Variants in HMGCS1 observed in about 807,000 individuals in gnomAD.
HMGCS1 encodes the protein hydroxymethylglutaryl-CoA synthase, cytoplasmic.
HMGCS1 carries 9 observed loss-of-function variants against 52.3 expected under a neutral mutation model. The observed-to-expected ratio is 0.17, with a 90% confidence interval of 0.10 to 0.30. HMGCS1 has a LOEUF of 0.30. HMGCS1 is among the 10% of genes least tolerant of loss of function. The pLI, the probability that HMGCS1 is intolerant of heterozygous loss-of-function variation, is 1.00. For synonymous variants in HMGCS1, 176 were observed against 214.4 expected (o/e 0.82, Z 1.57); for missense variants, 320 against 620.9 (o/e 0.52, Z 5.15).
rs113939532 is a variant in HMGCS1 at position 43,291,407 on chromosome 5, T to G, written c.1474-187A>C. ...ATCCATTTTTCACCTTATGGTGAAT[T>G]TAGTATACAATTATCCATATGGGGG... On this transcript the variant is annotated intron_variant, in intron 10 of 10. Coordinates refer to ENST00000325110, the MANE Select transcript of HMGCS1 (RefSeq NM_001098272.3). Among the ~76,000 whole-genome samples the G allele has an allele frequency of 2.0e-5, 3 of 152,262 alleles. 1 individual carries two copies. The highest frequency in any genetic ancestry group is 7.2e-5 in the African/African-American group (3 of 41,550).
At position 43,291,085 on chromosome 5, in the gene HMGCS1, A is replaced by AGGCCCCCCCCCC; in HGVS notation, c.*45_*46insGGGGGGGGGGCC. On this transcript the variant is annotated 3_prime_UTR_variant, in exon 11 of 11. Transcript: ENST00000325110. ...TTCCTCCAACTGTTCCCATACCCCC[A>AGGCCCCCCCCCC]CCCCATGCCCACCCCACCCTGAAGT... The AGGCCCCCCCCCC allele has an allele frequency of 1.9e-6, 1 of 514,252 alleles. No individual in the cohort carries two copies. The allele number at this position is 514,252 out of a possible 1,614,324, so 31.9% of individuals were successfully genotyped here.
Position 43,291,095 on chromosome 5 carries a change from C to CAA in HMGCS1, c.*35_*36insTT. On this transcript the variant is annotated 3_prime_UTR_variant, in exon 11 of 11. Transcript: ENST00000325110. Reference sequence around the variant, plus strand: ...TGTTCCCATACCCCCACCCCATGCCCACCCCACCCTGAAGTCTTGCACCTC... The same window carrying CAA: ...TGTTCCCATACCCCCACCCCATGCCCAAACCCCACCCTGAAGTCTTGCACCTC... The CAA allele has an allele frequency of 7.5e-6, 7 of 927,380 alleles. No individual in the cohort carries two copies. The highest frequency in any genetic ancestry group is 8.9e-6 in the Non-Finnish European group (5 of 559,286). The allele number at this position is 927,380 out of a possible 1,614,324, so 57.4% of individuals were successfully genotyped here.
chr5:43,297,292 A>G, intron 4 of HMGCS1, 126 bp from the exon 5 acceptor site: 4 of 738,828 alleles, frequency 5.4e-6, no homozygotes, highest in Non-Finnish European at 8.9e-6. Context: ...CTTACAGTAG[A>G]GAAATCGCAA....
intron 2 of HMGCS1, among the ~76,000 whole-genome samples, chr5:43,300,319 G>GCTAC (rs1279492231): frequency 1.3e-5 from 2 of 152,168 alleles, no homozygotes; most frequent in Admixed American, 1.3e-4. Context: ...ATTGGATGGT[G>GCTAC]CTACTTAGGT....
At chr5:43,308,506 A>T (rs1429865898) in intron 1 of HMGCS1, among the ~76,000 whole-genome samples, 1 of 152,248 alleles carries the variant, frequency 6.6e-6, no homozygotes, top group Non-Finnish European at 1.5e-5. Flanking sequence ...TCACCCTCCC[A>T]ACCTTTTATA....
intron 4 of HMGCS1, 39 bp downstream of exon 4, chr5:43,297,970 T>G: frequency 6.3e-7 from 1 of 1,598,932 alleles, no homozygotes; most frequent in Non-Finnish European, 8.5e-7. Flanking sequence ...CTCAGCATAT[T>G]GTGCTAAAAA....
At chr5:43,293,711 A>C in intron 8 of HMGCS1, 1 of 176,554 alleles carries the variant, frequency 5.7e-6, no homozygotes, top group Non-Finnish European at 1.2e-5. Flanking sequence ...GTAGTTCTCA[A>C]TACATTTTTT....
chr5:43,308,552 T>C (rs1754692259), intron 1 of HMGCS1, among the ~76,000 whole-genome samples: 1 of 152,196 alleles, frequency 6.6e-6, no homozygotes, highest in Non-Finnish European at 1.5e-5. Context: ...TGTTAAAAAA[T>C]TAAGCATTTA....
intron 1 of HMGCS1, among the ~76,000 whole-genome samples, chr5:43,311,419 AT>A (rs1366888593): frequency 1.3e-5 from 2 of 152,174 alleles, no homozygotes; most frequent in African/African-American, 4.8e-5. Context: ...AAACATAAAA[AT>A]ATCACACATC....
rs1229083930 is a variant in HMGCS1, at chr5:43,290,849, A to G, written c.*282T>C. 9.4e-6 allele frequency: 3 copies of G among 318,756 alleles called. No individual in the cohort carries two copies. The highest frequency in any genetic ancestry group is 1.2e-5 in the Non-Finnish European group (2 of 171,976). 19.7% of individuals were successfully genotyped at this position (318,756 alleles called of 1,614,324 possible). A position where few individuals can be genotyped will look rare whatever the true frequency, so the allele number is the denominator to read the frequency against. On this transcript the variant is annotated 3_prime_UTR_variant, in exon 11 of 11. Transcript: ENST00000325110. ...ATACCATGTTTAAAAACCAAACATC[A>G]TGCATACAAATGGCCAAAGAGGTAT...
chr5:43,310,644 T>A (rs567978909), intron 1 of HMGCS1, among the ~76,000 whole-genome samples: 7 of 152,322 alleles, frequency 4.6e-5, no homozygotes, highest in African/African-American at 7.2e-5. Context: ...ATTTTTTTTT[T>A]AATTTATTAC....
rs1332684581 is a variant in HMGCS1 at position 43,298,863 on chromosome 5, C to T, written c.103G>A (p.Glu35Lys). 6.2e-7 allele frequency: 1 copy of T among 1,614,138 alleles called. No individual in the cohort carries two copies. Among genetic ancestry groups the T allele is most frequent in the Admixed American group, 1.7e-5 (1 of 60,022 alleles). ...YFPSQYVDQA[E>K]LEKYDGVDAG... ...TCTACACCATCATATTTTTCCAACT[C>T]TGCTTGATCAACATATTGAGAAGGA... is the stretch of plus-strand genomic sequence containing the variant. The change falls in exon 3 of 11, where the codon GAG (glutamate) becomes AAG (lysine). Residue 35 changes from glutamate to lysine, a missense_variant. Glu to Lys is a moderately conservative substitution (Grantham distance 56, BLOSUM62 1). This residue lies in a region of HMGCS1 where 85 missense variants were observed against 260.0 expected (regional missense o/e 0.33). Coordinates refer to ENST00000325110, the MANE Select transcript of HMGCS1 (RefSeq NM_001098272.3). The surrounding 1 kb of genome is among the most constrained non-coding windows in gnomAD (Gnocchi z 5.6).
intron 1 of HMGCS1, among the ~76,000 whole-genome samples, chr5:43,308,967 CTAAT>C (rs1561126972): frequency 6.6e-6 from 1 of 152,130 alleles, no homozygotes; most frequent in Non-Finnish European, 1.5e-5. Flanking sequence ...AAAAATGTCT[CTAAT>C]TAACTGTAAT....
rs913597505 is a variant in HMGCS1, at chr5:43,288,512, G to C, written c.*2619C>G. 6.6e-6 allele frequency: 1 copy of C among 152,168 alleles called. No individual in the cohort carries two copies. Among genetic ancestry groups the C allele is most frequent in the Non-Finnish European group, 1.5e-5 (1 of 68,020 alleles). 9.4% of individuals were successfully genotyped at this position (152,168 alleles called of 1,614,324 possible). On this transcript the variant is annotated 3_prime_UTR_variant, in exon 11 of 11. Transcript: ENST00000325110. ...CAACTGTGTCACAAGAGGACAGAAA[G>C]TGGCTGTTTGCATCTGTTTGGGTCT...
At position 43,297,029 on chromosome 5, in the gene HMGCS1, T is replaced by G. The variant is rs751068508; in HGVS notation, c.712A>C (p.Lys238Gln). Residue 238 changes from lysine to glutamine, a missense_variant, in exon 5 of 11, where the codon AAA (lysine) becomes CAA (glutamine). Transcript: ENST00000325110. ...ALDRCYSVYC[K>Q]KIHAQWQKEG... Reference sequence around the variant, plus strand: ...TTCTGCCACTGGGCATGGATCTTTTTGCAGTAGACAGAATAGCAGCGGTCT... The same window carrying G: ...TTCTGCCACTGGGCATGGATCTTTTGGCAGTAGACAGAATAGCAGCGGTCT... The G allele has an allele frequency of 1.2e-6, 2 of 1,613,794 alleles. No homozygotes were observed. Among genetic ancestry groups the G allele is most frequent in the East Asian group, 4.5e-5 (2 of 44,852 alleles).
intron 2 of HMGCS1, among the ~76,000 whole-genome samples, chr5:43,305,557 G>T (rs1754525645): frequency 1.3e-5 from 2 of 151,850 alleles, no homozygotes; most frequent in African/African-American, 4.8e-5. Context: ...ATCACTTAAG[G>T]TCAGGAGTTC....
At chr5:43,294,619 C>A in intron 7 of HMGCS1, 72 bp downstream of exon 7, 1 of 1,143,734 alleles carries the variant, frequency 8.7e-7, no homozygotes, top group Non-Finnish European at 1.2e-6. Flanking sequence ...ATGCTTGACA[C>A]TAGATTTGGT....
At chr5:43,308,447 T>A (rs533055712) in intron 1 of HMGCS1, among the ~76,000 whole-genome samples, 1 of 152,174 alleles carries the variant, frequency 6.6e-6, no homozygotes, top group Non-Finnish European at 1.5e-5. Context: ...TCAAAGAAAA[T>A]AAAGGTATTT....
At chr5:43,291,596 T>C (rs1315706417) in intron 10 of HMGCS1, among the ~76,000 whole-genome samples, 3 of 152,182 alleles carry the variant, frequency 2.0e-5, no homozygotes, top group African/African-American at 7.2e-5. Context: ...GATAAATAAG[T>C]AGTTTCAAGG....
Sources: gnomAD v4.1 joint callset for allele counts (sites outside exome capture counted in the v4.1 genomes callset) on GRCh38, gnomAD v4.1.1 for gene constraint, gnomAD v4.1.1 regional missense constraint, Gnocchi (gnomAD v3.1) non-coding constraint, MANE v1.5 for transcripts, NCBI Gene and HGNC (gene_info 2026-07-23, HGNC 2026-07-21) for gene names.